ABCC1: variants seen among roughly 807,000 people sequenced by gnomAD.
The protein encoded by ABCC1 is multidrug resistance-associated protein 1.
In ABCC1, 83 loss-of-function variants were observed where a neutral mutation model predicts 172.9. The ratio of observed to expected loss-of-function variants is 0.48; its 90% CI spans 0.40 to 0.58. ABCC1 has a LOEUF of 0.58. Ranked by LOEUF, ABCC1 falls within the 20% of genes least tolerant of loss-of-function variation. The pLI is 0.00. For missense variants in ABCC1, 1,817 were observed against 2,002.7 expected (o/e 0.91, Z 1.77); for synonymous variants, 937 against 825.2 (o/e 1.14, Z -2.32).
At chr16:16,080,215 G>A (rs2050754993) in intron 16 of ABCC1, among the ~76,000 whole-genome samples, 1 of 152,006 alleles carries the variant, frequency 6.6e-6, no homozygotes, top group African/African-American at 2.4e-5. Flanking sequence ...TGGTCTGTTT[G>A]GGTCTTTTTG....
intron 1 of ABCC1, among the ~76,000 whole-genome samples, chr16:15,971,732 T>C (rs1394358488): frequency 2.0e-5 from 3 of 152,186 alleles, no homozygotes; most frequent in Non-Finnish European, 4.4e-5. Flanking sequence ...AGCACCATTT[T>C]GAGTTTGATT....
chr16:15,951,776 G>A (rs955637641), intron 1 of ABCC1, among the ~76,000 whole-genome samples: 2 of 151,648 alleles, frequency 1.3e-5, no homozygotes, highest in African/African-American at 2.4e-5. Context: ...TGCAATCTCT[G>A]CCTCCCCGGC....
At chr16:16,036,441 A>G in intron 6 of ABCC1, 31 bp from the exon 7 acceptor site, 2 of 1,596,688 alleles carry the variant, frequency 1.3e-6, no homozygotes, top group African/African-American at 1.3e-5. Flanking sequence ...ATTGACTCTC[A>G]TTGCCTAACC....
intron 19 of ABCC1, among the ~76,000 whole-genome samples, chr16:16,102,421 C>T (rs2051802383): frequency 6.6e-6 from 1 of 152,178 alleles, no homozygotes; most frequent in South Asian, 2.1e-4. Context: ...CTGTCCCTAC[C>T]CCAAGGGACT....
intron 5 of ABCC1, among the ~76,000 whole-genome samples, chr16:16,024,429 G>A (rs764911048): frequency 3.1e-4 from 47 of 152,040 alleles, no homozygotes; most frequent in Non-Finnish European, 6.0e-4. Context: ...TCAGCTCACC[G>A]TGCCCTCCAC....
intron 13 of ABCC1, among the ~76,000 whole-genome samples, chr16:16,069,157 TA>T (rs1380666361): frequency 3.4e-4 from 45 of 133,138 alleles, no homozygotes; most frequent in Non-Finnish European, 5.5e-4. Flanking sequence ...AAAAATAAAA[TA>T]AAATAAAATA....
chr16:16,131,661 A>G (rs887973814), intron 26 of ABCC1, 128 bp from the exon 27 acceptor site: 2 of 1,005,322 alleles, frequency 2.0e-6, no homozygotes, highest in Non-Finnish European at 2.9e-6. Flanking sequence ...AGGAAGGGCA[A>G]CCCCCCAGTG....
At chr16:16,042,574 A>C (rs1313672408) in intron 7 of ABCC1, among the ~76,000 whole-genome samples, 1 of 151,940 alleles carries the variant, frequency 6.6e-6, no homozygotes, top group Admixed American at 6.6e-5. Context: ...GTGGTAGCGC[A>C]CACCTGTAAT....
intron 1 of ABCC1, among the ~76,000 whole-genome samples, chr16:15,993,789 A>G (rs945996149): frequency 1.3e-5 from 2 of 152,088 alleles, no homozygotes; most frequent in African/African-American, 4.8e-5. Context: ...GAATGTTTCC[A>G]TGTCTGAGTC....
At position 16,141,273 on chromosome 16, in the gene ABCC1, T is replaced by C; in HGVS notation, c.4588T>C (p.Leu1530=). Reference sequence around the variant, plus strand: ...CTACAGCATGGCCAAAGACGCCGGCTTGGTGTGAGCCCCAGAGCTGGCATA... The same window carrying C: ...CTACAGCATGGCCAAAGACGCCGGCCTGGTGTGAGCCCCAGAGCTGGCATA... ...LFYSMAKDAG[L]V The change falls in exon 31 of 31, where the codon TTG becomes CTG. Residue 1530 remains leucine (L), a synonymous_variant. Transcript: ENST00000399410. The C allele has an allele frequency of 6.2e-7, 1 of 1,613,936 alleles. No individual in the cohort carries two copies. Among genetic ancestry groups the C allele is most frequent in the Non-Finnish European group, 8.5e-7 (1 of 1,180,006 alleles).
chr16:16,046,006 A>G lies in ABCC1; in HGVS notation c.1211A>G (p.Tyr404Cys), dbSNP rs771408113. Residue 404 changes from tyrosine to cysteine, a missense_variant, in exon 9 of 31, where the codon TAT (tyrosine) becomes TGT (cysteine). Physicochemically the swap from Tyr to Cys is radical, Grantham distance 194 (BLOSUM62 -2). Coordinates refer to ENST00000399410, the MANE Select transcript of ABCC1 (RefSeq NM_004996.4). Reference sequence around the variant, plus strand: ...AAGACCGCTGTCATTGGGGCTGTCTATCGGAAGGTAGGGGACGCTGTGCCA... The same window carrying G: ...AAGACCGCTGTCATTGGGGCTGTCTGTCGGAAGGTAGGGGACGCTGTGCCA... ...RIKTAVIGAV[Y>C]RKALVITNSA... is the part of the protein sequence containing the mutation. 1.2e-6 allele frequency: 2 copies of G among 1,614,040 alleles called. No homozygotes were observed. The highest frequency in any genetic ancestry group is 2.2e-5 in the East Asian group (1 of 44,850).
At chr16:16,121,952 C>A (rs374285259) in intron 23 of ABCC1, 23 bp from the exon 24 acceptor site, 22 of 1,613,750 alleles carry the variant, frequency 1.4e-5, no homozygotes, top group Non-Finnish European at 1.7e-5. Flanking sequence ...TCATCAACTC[C>A]CCGCGTCTGT....
Position 16,134,502 on chromosome 16 carries a change from C to G in ABCC1, c.4119C>G (p.Ile1373Met), listed in dbSNP as rs1233995931. Reference protein sequence around the residue: ...LHDLRFKITIIPQDPVLFSGS... With the variant: ...LHDLRFKITIMPQDPVLFSGS... ...ACCTCCGCTTCAAGATCACCATCAT[C>G]CCCCAGGTGGGGTCTGGGTGTGGCC... The change falls in exon 28 of 31, where the codon ATC becomes ATG. Residue 1373 changes from isoleucine (I) to methionine (M), a missense_variant. Ile to Met is a conservative substitution (Grantham distance 10, BLOSUM62 1). Coordinates refer to ENST00000399410, the MANE Select transcript of ABCC1 (RefSeq NM_004996.4). 1 of 1,614,140 alleles carries G rather than the reference C, an allele frequency of 6.2e-7. No homozygotes were observed. The highest frequency in any genetic ancestry group is 1.7e-5 in the Admixed American group (1 of 60,022).
intron 9 of ABCC1, among the ~76,000 whole-genome samples, chr16:16,047,830 C>T (rs2151888711): frequency 6.6e-6 from 1 of 151,186 alleles, no homozygotes; most frequent in Non-Finnish European, 1.5e-5. Context: ...CCCCCACCCC[C>T]CACCACTCCC....
intron 5 of ABCC1, 29 bp from the exon 6 acceptor site, chr16:16,033,080 C>A: frequency 6.2e-7 from 1 of 1,609,412 alleles, no homozygotes; most frequent in Non-Finnish European, 8.5e-7. Flanking sequence ...TTCCCTCTTC[C>A]TCCCAAACCT....
intron 1 of ABCC1, among the ~76,000 whole-genome samples, chr16:15,952,410 C>T (rs372217383): frequency 1.3e-5 from 2 of 151,930 alleles, no homozygotes; most frequent in African/African-American, 4.8e-5. Flanking sequence ...CAGTGGGCCT[C>T]GGGTGACTCT....
intron 17 of ABCC1, among the ~76,000 whole-genome samples, chr16:16,084,210 C>G (rs2050919262): frequency 6.6e-6 from 1 of 152,140 alleles, no homozygotes; most frequent in African/African-American, 2.4e-5. Flanking sequence ...TCAGGTGATT[C>G]TCCTGCCTCA....
Position 16,023,810 on chromosome 16 carries a change from T to C in ABCC1, c.615+7189T>C, listed in dbSNP as rs2048277137. Among the ~76,000 whole-genome samples the C allele has an allele frequency of 2.0e-5, 3 of 152,070 alleles. No homozygotes were observed. The South Asian group carries it at 6.2e-4, about 32-fold the overall frequency. ...CTCAAGTCTAAGGAATGCGAGGCTC[T>C]GGCCAGGTGAATATGTTTGGAGGTG... is the stretch of plus-strand genomic sequence containing the variant. On this transcript the variant is annotated intron_variant, in intron 5 of 30. Transcript: ENST00000399410.
Position 16,083,678 on chromosome 16 carries a change from C to G in ABCC1, c.2292+136C>G, listed in dbSNP as rs45491896. 5,197 of 1,108,922 alleles carry G rather than the reference C, an allele frequency of 4.7e-3. 179 individuals carry two copies. The African/African-American group carries it at 0.073, about 16-fold the overall frequency. The allele number at this position is 1,108,922 out of a possible 1,614,324, so 68.7% of individuals were successfully genotyped here. On this transcript the variant is annotated intron_variant, in intron 17 of 30. Coordinates refer to ENST00000399410, the MANE Select transcript of ABCC1 (RefSeq NM_004996.4). ...GGCTCAGCTGGGCGGCTCTGCTGCACGCTGCAGGCCAGCTGAACTTGGGTC... is the reference window on the plus strand; with the variant it reads ...GGCTCAGCTGGGCGGCTCTGCTGCAGGCTGCAGGCCAGCTGAACTTGGGTC...
Sources: gnomAD v4.1 joint callset for allele counts (sites outside exome capture counted in the v4.1 genomes callset) on GRCh38, gnomAD v4.1.1 for gene constraint, MANE v1.5 for transcripts, NCBI Gene and HGNC (gene_info 2026-07-23, HGNC 2026-07-21) for gene names.